WWOX: variants seen among roughly 807,000 people sequenced by gnomAD.
The protein encoded by WWOX is WW domain-containing oxidoreductase.
Under a neutral mutation model 46.2 loss-of-function variants are expected in WWOX, and 69 were observed. That is an observed-to-expected ratio of 1.49 (90% CI 1.23 to 1.82). WWOX has a LOEUF of 1.82. Ranked by LOEUF, WWOX falls within the 40% of genes most tolerant of loss-of-function variation. The probability of loss-of-function intolerance (pLI) is 0.00; values close to 1 mark genes in which losing one functional copy is unlikely to be tolerated. For synonymous variants in WWOX, 359 were observed against 202.6 expected (o/e 1.77, Z -6.56); for missense variants, 919 against 542.6 (o/e 1.69, Z -6.89).
At chr16:78,985,827 A>G (rs1051086233) in intron 8 of WWOX, among the ~76,000 whole-genome samples, 1 of 152,222 alleles carries the variant, frequency 6.6e-6, no homozygotes, top group African/African-American at 2.4e-5. Flanking sequence ...TGCAATGCTG[A>G]CCACTCCGGA....
chr16:78,873,997 C>G (rs1016817589), intron 8 of WWOX, among the ~76,000 whole-genome samples: 1 of 151,458 alleles, frequency 6.6e-6, no homozygotes, highest in African/African-American at 2.4e-5. Context: ...CACGGTGGCT[C>G]ATGCCTGTAA....
intron 5 of WWOX, among the ~76,000 whole-genome samples, chr16:78,273,321 C>G (rs972052180): frequency 7.3e-5 from 11 of 151,250 alleles, no homozygotes; most frequent in Admixed American, 7.3e-4. Context: ...CTAAGTTTCC[C>G]CAAGCTGATC....
At chr16:78,680,802 C>T (rs999129768) in intron 8 of WWOX, among the ~76,000 whole-genome samples, 5 of 152,096 alleles carry the variant, frequency 3.3e-5, no homozygotes, top group African/African-American at 1.2e-4. Flanking sequence ...ACAGTACCTG[C>T]TGTGATGGTT....
chr16:78,109,152 T>C (rs985212464), intron 2 of WWOX, among the ~76,000 whole-genome samples: 3 of 152,204 alleles, frequency 2.0e-5, no homozygotes, highest in African/African-American at 4.8e-5. Context: ...TTACCATGAC[T>C]TCTAGGTGAT....
rs192895645 is a variant in WWOX, at chr16:79,057,643, G to T, written c.1057-153965G>T. Among the ~76,000 whole-genome samples the T allele has an allele frequency of 1.4e-4, 22 of 152,246 alleles. 1 individual carries two copies. The highest frequency in any genetic ancestry group is 2.8e-4 in the Non-Finnish European group (19 of 68,026). ...GAATGACAATTTGGATTTGTCTCAA[G>T]GTCCTGATAAATGGGAACTGGAGGA... On this transcript the variant is annotated intron_variant, in intron 8 of 8. Coordinates refer to ENST00000566780, the MANE Select transcript of WWOX (RefSeq NM_016373.4).
At chr16:79,132,747 C>G (rs2150699140) in intron 8 of WWOX, among the ~76,000 whole-genome samples, 1 of 152,148 alleles carries the variant, frequency 6.6e-6, no homozygotes, top group East Asian at 1.9e-4. Flanking sequence ...CACACTCAAG[C>G]CTCTTTAATT....
intron 8 of WWOX, among the ~76,000 whole-genome samples, chr16:78,728,055 C>CTTTTTTTTTTTTTTTTTT (rs758484198): frequency 1.2e-5 from 1 of 86,806 alleles, no homozygotes; most frequent in African/African-American, 5.9e-5. Context: ...TCCCTCCTTC[C>CTTTTTTTTTTTTTTTTTT]TTTTTTTTTT....
chr16:78,973,279 C>T (rs980626332), intron 8 of WWOX, among the ~76,000 whole-genome samples: 1 of 152,064 alleles, frequency 6.6e-6, no homozygotes, highest in South Asian at 2.1e-4. Flanking sequence ...TGCAGAAGTC[C>T]GGGCTGTCAT....
intron 8 of WWOX, among the ~76,000 whole-genome samples, chr16:78,972,598 A>T (rs184056995): frequency 5.9e-5 from 9 of 152,200 alleles, no homozygotes; most frequent in Admixed American, 1.3e-4. Context: ...ATTTACATTG[A>T]ATGGCACATG....
At chr16:78,377,036 G>T (rs2151926337) in intron 5 of WWOX, among the ~76,000 whole-genome samples, 2 of 152,354 alleles carry the variant, frequency 1.3e-5, no homozygotes. Flanking sequence ...ACGTCTTTCT[G>T]AATCGAGGAG....
intron 8 of WWOX, among the ~76,000 whole-genome samples, chr16:78,774,027 A>C (rs149756088): frequency 9.1e-4 from 139 of 152,342 alleles, no homozygotes; most frequent in African/African-American, 3.1e-3. Context: ...GTTGGTGTCC[A>C]CACATCAACT....
intron 8 of WWOX, among the ~76,000 whole-genome samples, chr16:79,039,896 T>TA (rs754566966): frequency 4.6e-5 from 7 of 152,314 alleles, no homozygotes; most frequent in Non-Finnish European, 8.8e-5. Context: ...CATGGACTGA[T>TA]ACGCTGGGCT....
intron 5 of WWOX, among the ~76,000 whole-genome samples, chr16:78,342,070 T>G (rs140767269): frequency 8.2e-6 from 1 of 121,354 alleles, no homozygotes; most frequent in East Asian, 1.9e-4. Flanking sequence ...GAGCTGCAAT[T>G]GTGCCACTGC....
intron 8 of WWOX, among the ~76,000 whole-genome samples, chr16:79,156,107 G>C (rs144927135): frequency 6.6e-6 from 1 of 152,088 alleles, no homozygotes; most frequent in South Asian, 2.1e-4. Context: ...CTACTCATAG[G>C]CCCATCTGTT....
intron 8 of WWOX, among the ~76,000 whole-genome samples, chr16:78,840,310 G>A (rs2052103617): frequency 6.6e-6 from 1 of 152,118 alleles, no homozygotes; most frequent in Non-Finnish European, 1.5e-5. Flanking sequence ...TCTTGTTCTA[G>A]TTTTGAAGAG....
chr16:79,012,733 C>T (rs1182702626), intron 8 of WWOX, among the ~76,000 whole-genome samples: 7 of 152,166 alleles, frequency 4.6e-5, no homozygotes, highest in Non-Finnish European at 1.0e-4. Context: ...GTATACGTGC[C>T]CTTTTTTCCT....
chr16:79,107,187 C>T (rs1243689314), intron 8 of WWOX, among the ~76,000 whole-genome samples: 1 of 152,156 alleles, frequency 6.6e-6, no homozygotes, highest in Non-Finnish European at 1.5e-5. Flanking sequence ...GTGATCCGCC[C>T]TTCTCCGCCT....
chr16:78,964,083 G>A (rs1276752041), intron 8 of WWOX, among the ~76,000 whole-genome samples: 1 of 152,168 alleles, frequency 6.6e-6, no homozygotes, highest in African/African-American at 2.4e-5. Context: ...CCCGGTCTCA[G>A]GTTATGTCTT....
chr16:78,434,687 T>G (rs2083297843), intron 8 of WWOX, among the ~76,000 whole-genome samples: 1 of 152,182 alleles, frequency 6.6e-6, no homozygotes, highest in Admixed American at 6.5e-5. Context: ...GAGTTCGTTT[T>G]CTCCTTCTTC....
Sources: allele counts gnomAD v4.1 joint callset (sites outside exome capture counted in the v4.1 genomes callset), GRCh38; gene constraint gnomAD v4.1.1; transcripts MANE v1.5; gene names NCBI Gene and HGNC (gene_info 2026-07-23, HGNC 2026-07-21).